TMEM114: variants seen among roughly 807,000 people sequenced by gnomAD.
The protein encoded by TMEM114 is transmembrane protein 114, also known as claudin-26.
A neutral mutation model predicts 6.2 loss-of-function variants in TMEM114; 6 were observed. The ratio of observed to expected loss-of-function variants is 0.97; its 90% CI spans 0.53 to 1.91. The LOEUF (loss-of-function observed/expected upper bound fraction) is 1.91, where lower values mean the gene tolerates loss of function less well. Among genes scored for constraint, TMEM114 ranks in the 40% most tolerant of loss-of-function variants. The pLI is 0.01. For missense variants in TMEM114, 218 were observed against 158.3 expected (o/e 1.38, Z -2.02); for synonymous variants, 104 against 73.0 (o/e 1.42, Z -2.16).
chr16:8,555,242 C>T (rs1900971467), intron 2 of TMEM114, among the ~76,000 whole-genome samples: 1 of 152,156 alleles, frequency 6.6e-6, no homozygotes, highest in South Asian at 2.1e-4. Flanking sequence ...TGGCTTAGCC[C>T]AGGAAGGAAT....
At chr16:8,586,911 C>G (rs1902340054) in intron 2 of TMEM114, among the ~76,000 whole-genome samples, 1 of 152,208 alleles carries the variant, frequency 6.6e-6, no homozygotes, top group African/African-American at 2.4e-5. Flanking sequence ...CACCTTTCCT[C>G]AACTCCCACA....
At chr16:8,563,445 G>C (rs1432378258) in intron 2 of TMEM114, among the ~76,000 whole-genome samples, 3 of 150,212 alleles carry the variant, frequency 2.0e-5, no homozygotes, top group African/African-American at 7.4e-5. Context: ...CAATGAGTAA[G>C]TGAATGAGTG....
chr16:8,555,434 C>T (rs1900978949), intron 2 of TMEM114, among the ~76,000 whole-genome samples: 1 of 151,404 alleles, frequency 6.6e-6, no homozygotes, highest in Admixed American at 6.6e-5. Flanking sequence ...TAAGGAGCAG[C>T]CTTTCAGAAT....
downstream of TMEM114, among the ~76,000 whole-genome samples, chr16:8,533,607 G>A (rs1479136462): frequency 6.6e-6 from 1 of 152,198 alleles, no homozygotes; most frequent in Non-Finnish European, 1.5e-5. Context: ...ATGCTTTATG[G>A]AAAATTGAAT....
At chr16:8,532,116 G>A in the TMEM114 span, 1 of 152,180 alleles carries the variant, frequency 6.6e-6, no homozygotes, top group East Asian at 1.9e-4. Context: ...ACTACGTAGG[G>A]TTCAGCTCCA....
chr16:8,550,694 A>C (rs1900812894), intron 2 of TMEM114, among the ~76,000 whole-genome samples: 1 of 124,030 alleles, frequency 8.1e-6, no homozygotes, highest in Non-Finnish European at 1.6e-5. Context: ...ACAAAAAAAA[A>C]AAAACCAAAA....
chr16:8,560,540 G>T (rs995230989), intron 2 of TMEM114, among the ~76,000 whole-genome samples: 1 of 152,160 alleles, frequency 6.6e-6, no homozygotes, highest in Non-Finnish European at 1.5e-5. Context: ...CCAAAAGGCG[G>T]GTTGTTTATT....
chr16:8,551,932 A>T (rs1900857083), intron 2 of TMEM114, among the ~76,000 whole-genome samples: 1 of 152,234 alleles, frequency 6.6e-6, no homozygotes, highest in South Asian at 2.1e-4. Context: ...AATGCAACAA[A>T]GTGGATAGAT....
rs554033015 is a variant in TMEM114, at chr16:8,559,479, C to G, written n.213-21653G>C. ...GGCCCGCCATGGGCTCCCTGAGCTG[C>G]TACTTCCAAGCAAGGACCCAGCAAT... On this transcript the variant is annotated intron_variant and non_coding_transcript_variant, in intron 2 of 2. Coordinates refer to the TMEM114 transcript ENST00000623677. 5.5e-4 allele frequency among the ~76,000 whole-genome samples: 83 copies of G among 152,182 alleles called. 1 individual carries two copies. Among genetic ancestry groups the G allele is most frequent in the Non-Finnish European group, 1.1e-3 (76 of 68,026 alleles).
At chr16:8,574,712 A>G (rs1489693203) in intron 2 of TMEM114, among the ~76,000 whole-genome samples, 1 of 152,122 alleles carries the variant, frequency 6.6e-6, no homozygotes, top group African/African-American at 2.4e-5. Flanking sequence ...GTGGCCAAGA[A>G]AGGAAATCAT....
At chr16:8,545,339 G>T (rs1168321351) in intron 2 of TMEM114, among the ~76,000 whole-genome samples, 3 of 152,186 alleles carry the variant, frequency 2.0e-5, no homozygotes, top group Non-Finnish European at 4.4e-5. Flanking sequence ...AGGAGGCTGA[G>T]GCAGGAGGAT....
the TMEM114 span, among the ~76,000 whole-genome samples, chr16:8,528,961 G>T: frequency 1.3e-4 from 20 of 152,278 alleles, no homozygotes; most frequent in African/African-American, 4.8e-4. Context: ...GGAATCCCTG[G>T]CAGACTCTAG....
chr16:8,529,428 A>G, the TMEM114 span, among the ~76,000 whole-genome samples: 1 of 152,218 alleles, frequency 6.6e-6, no homozygotes, highest in African/African-American at 2.4e-5. Flanking sequence ...CAGCTGGATA[A>G]CTAGCAGGGA....
downstream of TMEM114, among the ~76,000 whole-genome samples, chr16:8,567,410 G>A (rs1057257866): frequency 4.3e-4 from 65 of 152,338 alleles, no homozygotes; most frequent in African/African-American, 1.4e-3. Flanking sequence ...TCAAATGCAT[G>A]AATGGATGGG....
rs1221169043 is a variant in TMEM114 at position 8,569,578 on chromosome 16, A to G, written c.*195T>C. The stretch of plus-strand genomic sequence containing the variant: ...GCTCCTCCAGGCCACACGGACACAC[A>G]CGGACATAAGCACACAGGTACTAGG... On this transcript the variant is annotated 3_prime_UTR_variant, in exon 4 of 4. Coordinates refer to ENST00000620492, the MANE Select transcript of TMEM114 (RefSeq NM_001146336.2). 7.0e-7 allele frequency: 1 copy of G among 1,425,360 alleles called. No individual in the cohort carries two copies. Among genetic ancestry groups the G allele is most frequent in the Non-Finnish European group, 9.1e-7 (1 of 1,093,312 alleles). 88.3% of individuals were successfully genotyped at this position (1,425,360 alleles called of 1,614,324 possible). A position where few individuals can be genotyped will look rare whatever the true frequency, so the allele number is the denominator to read the frequency against.
exon 3 of TMEM114, chr16:8,537,751 C>T (rs1900401561): frequency 2.0e-5 from 3 of 152,010 alleles, no homozygotes. Flanking sequence ...ACGGCAAAGC[C>T]CTGCAGAAGT....
intron 2 of TMEM114, among the ~76,000 whole-genome samples, chr16:8,543,066 G>C (rs542145450): frequency 1.3e-5 from 2 of 152,102 alleles, no homozygotes; most frequent in Non-Finnish European, 2.9e-5. Flanking sequence ...ACAGCCCTTC[G>C]AAAACTTTTA....
At chr16:8,551,309 A>G (rs1900836146) in intron 2 of TMEM114, among the ~76,000 whole-genome samples, 1 of 152,206 alleles carries the variant, frequency 6.6e-6, no homozygotes, top group Non-Finnish European at 1.5e-5. Context: ...TGTTCTTCAG[A>G]TAAGTTAGTC....
At chr16:8,532,712 C>G (rs1016609183), downstream of TMEM114, among the ~76,000 whole-genome samples, 2 of 152,252 alleles carry the variant, frequency 1.3e-5, no homozygotes, top group Middle Eastern at 3.4e-3. Context: ...CTCACGAGGT[C>G]AGGAGATCGA....
Sources: gnomAD v4.1 joint callset for allele counts (sites outside exome capture counted in the v4.1 genomes callset) on GRCh38, gnomAD v4.1.1 for gene constraint, MANE v1.5 for transcripts, NCBI Gene and HGNC (gene_info 2026-07-23, HGNC 2026-07-21) for gene names.